Variants in FIRRM observed in about 807,000 individuals in gnomAD.
FIRRM encodes the protein FIGNL1-interacting regulator of recombination and mitosis.
chr1:169,788,829 T>A, the FIRRM span, among the ~76,000 whole-genome samples: 11 of 152,382 alleles, frequency 7.2e-5, no homozygotes, highest in South Asian at 1.4e-3. Flanking sequence ...ATAAAGTTGT[T>A]CTTTGTAATC....
chr1:169,849,737 T>A, the FIRRM span: 1 of 672,490 alleles, frequency 1.5e-6, no homozygotes, highest in Non-Finnish European at 2.5e-6. Flanking sequence ...GGTACATTAC[T>A]CGTTATCTCT....
chr1:169,853,435 T>C, the FIRRM span: 1 of 415,688 alleles, frequency 2.4e-6, no homozygotes, highest in Non-Finnish European at 4.2e-6. Context: ...AAATTCGACC[T>C]CTCCTCAGCT....
At chr1:169,805,945 G>A in the FIRRM span, 41 of 959,276 alleles carry the variant, frequency 4.3e-5, no homozygotes, top group African/African-American at 5.2e-4. Context: ...TTAATTATAG[G>A]AGAAACTCAC....
the FIRRM span, chr1:169,804,182 C>CA: frequency 6.3e-7 from 1 of 1,598,538 alleles, no homozygotes; most frequent in Non-Finnish European, 8.5e-7. Flanking sequence ...AACTGCTGGA[C>CA]ATGGTTTGCA....
chr1:169,847,939 A>G, the FIRRM span: 3 of 541,558 alleles, frequency 5.5e-6, no homozygotes, highest in Admixed American at 1.0e-4. Flanking sequence ...TGTTCCAGAC[A>G]GATTATAAAA....
At chr1:169,797,822 G>A in the FIRRM span, among the ~76,000 whole-genome samples, 11 of 152,248 alleles carry the variant, frequency 7.2e-5, 1 homozygote, top group East Asian at 2.1e-3. Flanking sequence ...GACTACAGGC[G>A]TGAGCCACCG....
chr1:169,851,821 G>A, the FIRRM span: 6,027 of 1,613,748 alleles, frequency 3.7e-3, 27 homozygotes, highest in Non-Finnish European at 4.3e-3. Flanking sequence ...TGGCAGACTG[G>A]GTTTGTAGAT....
chr1:169,803,351 A>T, the FIRRM span: 1 of 1,586,138 alleles, frequency 6.3e-7, no homozygotes, highest in East Asian at 2.2e-5. Context: ...TATATAATCA[A>T]TGTGCATAGG....
chr1:169,788,480 T>C, the FIRRM span, among the ~76,000 whole-genome samples: 1 of 152,236 alleles, frequency 6.6e-6, no homozygotes, highest in Non-Finnish European at 1.5e-5. Context: ...ACATACAAAA[T>C]ATGTCTTAGT....
chr1:169,836,903 T>G, the FIRRM span: 1 of 1,585,670 alleles, frequency 6.3e-7, no homozygotes, highest in African/African-American at 1.4e-5. Flanking sequence ...ATGTTACTCT[T>G]CTTTCTTTAA....
chr1:169,792,642 G>A, the FIRRM span: 21 of 1,605,932 alleles, frequency 1.3e-5, no homozygotes, highest in Non-Finnish European at 1.8e-5. Context: ...ATTATTTTGA[G>A]TATTCTGGTC....
At chr1:169,812,965 A>G in the FIRRM span, among the ~76,000 whole-genome samples, 2 of 152,334 alleles carry the variant, frequency 1.3e-5, no homozygotes, top group African/African-American at 4.8e-5. Context: ...ATGAGGGATC[A>G]TATTCCATTA....
the FIRRM span, among the ~76,000 whole-genome samples, chr1:169,818,567 T>G: frequency 6.6e-6 from 1 of 152,194 alleles, no homozygotes; most frequent in African/African-American, 2.4e-5. Context: ...GACAAAATAT[T>G]TAAGTGTTCA....
chr1:169,846,992 A>G, the FIRRM span, among the ~76,000 whole-genome samples: 1 of 152,128 alleles, frequency 6.6e-6, no homozygotes, highest in Non-Finnish European at 1.5e-5. Flanking sequence ...AGGCCATTTT[A>G]GGGTTAATTT....
the FIRRM span, among the ~76,000 whole-genome samples, chr1:169,846,312 C>CT: frequency 1.3e-5 from 2 of 152,050 alleles, no homozygotes; most frequent in African/African-American, 4.8e-5. Flanking sequence ...TCTTAAGGGC[C>CT]TTAGGATTTT....
At chr1:169,784,837 A>G in the FIRRM span, 3 of 152,238 alleles carry the variant, frequency 2.0e-5, no homozygotes, top group Admixed American at 6.5e-5. Context: ...TATACAACAC[A>G]AGAGTAAACT....
the FIRRM span, chr1:169,853,972 CA>C: frequency 1.6e-6 from 1 of 638,022 alleles, no homozygotes; most frequent in Non-Finnish European, 2.6e-6. Flanking sequence ...AATAGCTTTT[CA>C]AAAACCATAA....
At chr1:169,812,250 G>A in the FIRRM span, among the ~76,000 whole-genome samples, 1 of 152,162 alleles carries the variant, frequency 6.6e-6, no homozygotes, top group East Asian at 1.9e-4. Context: ...TAAGTTGTGT[G>A]TCACCACTCA....
At chr1:169,785,065 T>C in the FIRRM span, among the ~76,000 whole-genome samples, 7 of 152,232 alleles carry the variant, frequency 4.6e-5, no homozygotes, top group African/African-American at 1.7e-4. Flanking sequence ...CAATTCTTCC[T>C]ATTACAAAAA....
Sources: gnomAD v4.1 joint callset for allele counts (sites outside exome capture counted in the v4.1 genomes callset) on GRCh38, gnomAD v4.1.1 for gene constraint, MANE v1.5 for transcripts, NCBI Gene and HGNC (gene_info 2026-07-23, HGNC 2026-07-21) for gene names.